MXRA8: variants seen among roughly 807,000 people sequenced by gnomAD.
MXRA8 encodes matrix remodeling associated 8, also known as matrix remodeling-associated protein 8.
A neutral mutation model predicts 51.4 loss-of-function variants in MXRA8; 44 were observed. The ratio of observed to expected loss-of-function variants is 0.86; its 90% confidence interval spans 0.67 to 1.10. The LOEUF (loss-of-function observed/expected upper bound fraction) is 1.10, where lower values mean the gene tolerates loss of function less well. MXRA8 is among the 50% of genes least tolerant of loss of function. The pLI, the probability that MXRA8 is intolerant of heterozygous loss-of-function variation, is 0.00. For synonymous variants in MXRA8, 369 were observed against 293.5 expected, an observed-to-expected ratio of 1.26 and a Z score of -2.63; for missense variants, 765 against 638.9, an observed-to-expected ratio of 1.20 and a Z score of -2.13.
chr1:1,357,001 G>A (rs1309394411), intron 1 of MXRA8, among the ~76,000 whole-genome samples: 1 of 151,014 alleles, frequency 6.6e-6, no homozygotes, highest in Non-Finnish European at 1.5e-5. Context: ...CCACCTGGCT[G>A]CACCCAAGTC....
Position 1,355,525 on chromosome 1 carries a change from C to G in MXRA8, c.301G>C (p.Glu101Gln), listed in dbSNP as rs1490122551. The change falls in exon 3 of 10, where the codon GAG becomes CAG. Residue 101 changes from glutamate to glutamine, a missense_variant. Glu to Gln is a conservative substitution (Grantham distance 29). Coordinates refer to ENST00000309212, the MANE Select transcript of MXRA8 (RefSeq NM_032348.4). ...LYSAGEQRVY[E>Q]ARDRGRLELS... is the part of the protein sequence containing the mutation. ...TCCAGGCGGCCGCGGTCCCGCGCCT[C>G]GTACACGCGCTGCTCGCCCGCCGAG... is the stretch of plus-strand genomic sequence containing the variant. 4.0e-6 allele frequency: 6 copies of G among 1,496,612 alleles called. No homozygotes were observed. The highest frequency in any genetic ancestry group is 4.4e-6 in the Non-Finnish European group (5 of 1,133,778). 92.7% of individuals were successfully genotyped at this position (1,496,612 alleles called of 1,614,324 possible).
rs377431802 is a variant in MXRA8 at position 1,355,326 on chromosome 1, C to T, written c.396G>A (p.Ala132=). ...GGTGCAGGTTGCAGGTGTACAGCCC[C>T]GCGTCCGTCTCCTCCACCGCTGCGC... ...LLIRAVEETD[A]GLYTCNLHHH... The change falls in exon 4 of 10, where the codon GCG becomes GCA. Residue 132 remains alanine, a synonymous_variant. Coordinates refer to ENST00000309212, the MANE Select transcript of MXRA8 (RefSeq NM_032348.4). 25 of 1,577,368 alleles carry T rather than the reference C, an allele frequency of 1.6e-5. No homozygotes were observed. The African/African-American group carries it at 2.2e-4, about 14-fold the overall frequency.
At chr1:1,362,780 C>CAAAA (rs70949575), upstream of MXRA8, among the ~76,000 whole-genome samples, 5 of 141,086 alleles carry the variant, frequency 3.5e-5, no homozygotes, top group African/African-American at 1.4e-4. Context: ...GACTCCATCT[C>CAAAA]AAAAAAAAAA....
chr1:1,360,597 A>G (rs183979532), upstream of MXRA8, among the ~76,000 whole-genome samples: 18 of 152,308 alleles, frequency 1.2e-4, no homozygotes, highest in Non-Finnish European at 5.9e-5. Context: ...GGACAAAGCC[A>G]CTGGCATCAC....
intron 1 of MXRA8, among the ~76,000 whole-genome samples, chr1:1,357,651 C>T (rs536744593): frequency 2.3e-4 from 35 of 152,228 alleles, no homozygotes; most frequent in Non-Finnish European, 4.4e-4. Context: ...ACTAAAAATA[C>T]AAAAAATTAG....
chr1:1,355,159 AG>A lies in MXRA8; in HGVS notation c.479-8del, dbSNP rs1346180170. 7 of 1,107,010 alleles carry A rather than the reference AG, an allele frequency of 6.3e-6. No homozygotes were observed. Among genetic ancestry groups the A allele is most frequent in the Non-Finnish European group, 1.1e-6 (1 of 918,810 alleles). 68.6% of individuals were successfully genotyped at this position (1,107,010 alleles called of 1,614,324 possible). ...TAGGCGGGGGTGGCCGGGGCTGCGGAGGGGGCGCGGTCAGCGGCGCGCGGGC... is the reference window on the plus strand; with the variant it reads ...TAGGCGGGGGTGGCCGGGGCTGCGGAGGGGCGCGGTCAGCGGCGCGCGGGC... On this transcript the variant is annotated splice_region_variant and splice_polypyrimidine_tract_variant and intron_variant, in intron 4 of 9. Coordinates refer to ENST00000309212, the MANE Select transcript of MXRA8 (RefSeq NM_032348.4).
At chr1:1,358,635 G>C, upstream of MXRA8, 1 of 1,424,834 alleles carries the variant, frequency 7.0e-7, no homozygotes, top group Non-Finnish European at 9.2e-7. Flanking sequence ...ACGGTCTGGG[G>C]ACCGCCCCCT....
At position 1,354,219 on chromosome 1, in the gene MXRA8, C is replaced by A. The variant is rs149184973; in HGVS notation, c.1119G>T (p.Ser373=). ...CCTTTGACTTTCCCGACTTCTGGTC[C>A]GAGTATTCGTAGCCTGGGAAGGAGA... The part of the protein sequence containing the change: ...ARRRRGGYEY[S]DQKSGKSKGK... The change falls in exon 7 of 10, where the codon TCG becomes TCT. Residue 373 remains serine, a synonymous_variant. Coordinates refer to ENST00000309212, the MANE Select transcript of MXRA8 (RefSeq NM_032348.4). 9.5e-5 allele frequency: 153 copies of A among 1,612,544 alleles called. No homozygotes were observed. The African/African-American group carries it at 1.9e-3, about 20-fold the overall frequency.
chr1:1,355,128 T>C lies in MXRA8; in HGVS notation c.503A>G (p.Asp168Gly). 6.8e-7 allele frequency: 1 copy of C among 1,478,188 alleles called. No homozygotes were observed. The highest frequency in any genetic ancestry group is 8.9e-7 in the Non-Finnish European group (1 of 1,128,242). 91.6% of individuals were successfully genotyped at this position (1,478,188 alleles called of 1,614,324 possible). Residue 168 changes from aspartate (D) to glycine (G), a missense_variant, in exon 5 of 10, where the codon GAC (aspartate) becomes GGC (glycine). Asp to Gly is a moderately conservative substitution (Grantham distance 94). Coordinates refer to ENST00000309212, the MANE Select transcript of MXRA8 (RefSeq NM_032348.4). Reference protein sequence around the residue: ...DGPPATPAYWDGEKEVLAVAR... With the variant: ...DGPPATPAYWGGEKEVLAVAR... ...CACCGCCAGCACCTCCTTCTCGCCG[T>C]CCCAGTAGGCGGGGGTGGCCGGGGC...
At position 1,355,513 on chromosome 1, in the gene MXRA8, G is replaced by T. The variant is rs1484822461; in HGVS notation, c.313C>A (p.Arg105Ser). The T allele has an allele frequency of 6.7e-7, 1 of 1,503,030 alleles. No individual in the cohort carries two copies. The highest frequency in any genetic ancestry group is 8.8e-7 in the Non-Finnish European group (1 of 1,137,436). The allele number at this position is 1,503,030 out of a possible 1,614,324, so 93.1% of individuals were successfully genotyped here. The change falls in exon 3 of 10, where the codon CGC becomes AGC. Residue 105 changes from arginine to serine, a missense_variant. Physicochemically the swap from Arg to Ser is moderately radical, Grantham distance 110. Coordinates refer to ENST00000309212, the MANE Select transcript of MXRA8 (RefSeq NM_032348.4). Reference protein sequence around the residue: ...GEQRVYEARDRGRLELSASAF... With the variant: ...GEQRVYEARDSGRLELSASAF... ...GAGGCCGAGAGCTCCAGGCGGCCGC[G>T]GTCCCGCGCCTCGTACACGCGCTGC...
upstream of MXRA8, chr1:1,358,733 C>G: frequency 7.3e-7 from 1 of 1,364,264 alleles, no homozygotes; most frequent in Middle Eastern, 2.8e-4. Context: ...AGCCCCTCAC[C>G]GGTCAGGCCT....
upstream of MXRA8, chr1:1,358,879 C>T (rs1424329238): frequency 1.1e-5 from 11 of 1,022,854 alleles, no homozygotes; most frequent in Non-Finnish European, 1.1e-5. Flanking sequence ...GGGTGAGTGG[C>T]CCCTCCGCCC....
In MXRA8 at chr1:1,355,080, A is replaced by G. The variant is rs1490510069; in HGVS notation, c.551T>C (p.Leu184Pro). The change falls in exon 5 of 10, where the codon CTG becomes CCG. Residue 184 changes from leucine (L) to proline (P), a missense_variant. Coordinates refer to ENST00000309212, the MANE Select transcript of MXRA8 (RefSeq NM_032348.4). ...LAVARGAPALLTCVNRGHVWT... is the reference protein window; with the variant it reads ...LAVARGAPALPTCVNRGHVWT... ...CACGTGCCCGCGGTTCACGCAGGTC[A>G]GAAGCGCGGGTGCGCCGCGCGCCAC... 3 of 1,572,590 alleles carry G rather than the reference A, an allele frequency of 1.9e-6. No homozygotes were observed. Among genetic ancestry groups the G allele is most frequent in the Admixed American group, 3.8e-5 (2 of 52,522 alleles).
chr1:1,358,663 C>T, upstream of MXRA8: 4 of 1,407,834 alleles, frequency 2.8e-6, no homozygotes, highest in South Asian at 1.6e-5. Flanking sequence ...CTGCCGGGCC[C>T]CTTGGCCTCC....
Position 1,354,472 on chromosome 1 carries a change from G to C in MXRA8, c.987C>G (p.Val329=). Residue 329 remains valine, a synonymous_variant, in exon 6 of 10, where the codon GTC becomes GTG. Transcript: ENST00000309212. The part of the protein sequence containing the change: ...TLARGHNVIN[V]IVPESRAHFF... ...AGTGGGCTCGGCTCTCGGGGACGAT[G>C]ACATTGATGACGTTGTGGCCGCGCG... 1 of 1,612,400 alleles carries C rather than the reference G, an allele frequency of 6.2e-7. No individual in the cohort carries two copies. Among genetic ancestry groups the C allele is most frequent in the Non-Finnish European group, 8.5e-7 (1 of 1,179,818 alleles).
chr1:1,361,310 ACCACCTCCTGGGTGCCAGGCTTGCTGG>A (rs1644220026), upstream of MXRA8: 2 of 703,270 alleles, frequency 2.8e-6, no homozygotes, highest in Non-Finnish European at 5.2e-6. Flanking sequence ...GCGTTTGCTG[ACCACCTCCTGGGTGCCAGGCTTGCTGG>A]GCACTGGGGA....
chr1:1,355,512 C>A lies in MXRA8; in HGVS notation c.314G>T (p.Arg105Leu). Residue 105 changes from arginine to leucine, a missense_variant, in exon 3 of 10, where the codon CGC becomes CTC. Coordinates refer to ENST00000309212, the MANE Select transcript of MXRA8 (RefSeq NM_032348.4). ...CGAGGCCGAGAGCTCCAGGCGGCCG[C>A]GGTCCCGCGCCTCGTACACGCGCTG... ...GEQRVYEARD[R>L]GRLELSASAF... 1 of 1,502,508 alleles carries A rather than the reference C, an allele frequency of 6.7e-7. No individual in the cohort carries two copies. Among genetic ancestry groups the A allele is most frequent in the Non-Finnish European group, 8.8e-7 (1 of 1,137,198 alleles). The allele number at this position is 1,502,508 out of a possible 1,614,324, so 93.1% of individuals were successfully genotyped here.
chr1:1,356,029 T>G, intron 2 of MXRA8, among the ~76,000 whole-genome samples: 1 of 54,168 alleles, frequency 1.8e-5, no homozygotes, highest in African/African-American at 7.7e-5. Context: ...CTGAGGACCC[T>G]GGTGGAGGAG....
chr1:1,355,603 A>G lies in MXRA8; in HGVS notation c.223T>C (p.Trp75Arg). The G allele has an allele frequency of 6.8e-7, 1 of 1,471,630 alleles. No homozygotes were observed. The highest frequency in any genetic ancestry group is 8.9e-7 in the Non-Finnish European group (1 of 1,118,008). The allele number at this position is 1,471,630 out of a possible 1,614,324, so 91.2% of individuals were successfully genotyped here. Reference sequence around the variant, plus strand: ...CCACCCCCGGGGCCGCGCAGGTCCCAGTGGAGCACGCGCTGGCGGTCGTGC... The same window carrying G: ...CCACCCCCGGGGCCGCGCAGGTCCCGGTGGAGCACGCGCTGGCGGTCGTGC... ...RLHDRQRVLH[W>R]DLRGPGGGPA... Residue 75 changes from tryptophan (W) to arginine (R), a missense_variant, in exon 3 of 10, where the codon TGG becomes CGG. By Grantham distance (101) the Trp-to-Arg change is moderately radical (BLOSUM62 -3). Transcript: ENST00000309212.
Sources: allele counts gnomAD v4.1 joint callset (sites outside exome capture counted in the v4.1 genomes callset), GRCh38; gene constraint gnomAD v4.1.1; transcripts MANE v1.5; gene names NCBI Gene and HGNC (gene_info 2026-07-23, HGNC 2026-07-21).